The following MAN1A2 variants were observed in gnomAD, a reference collection of about 807,000 sequenced individuals.
MAN1A2 encodes the protein mannosyl-oligosaccharide 1,2-alpha-mannosidase IB.
Under a neutral mutation model 75.7 loss-of-function variants are expected in MAN1A2, and 26 were observed. That is an observed-to-expected ratio of 0.34 (90% CI 0.25 to 0.48). MAN1A2 has a LOEUF of 0.48. Ranked by LOEUF, MAN1A2 falls within the 20% of genes least tolerant of loss-of-function variation. MAN1A2 has a pLI of 0.99. For missense variants in MAN1A2, 562 were observed against 775.5 expected, an observed-to-expected ratio of 0.72 and a Z score of 3.27; for synonymous variants, 247 against 264.6, an observed-to-expected ratio of 0.93 and a Z score of 0.65.
At chr1:117,502,435 T>G (rs1267645255) in intron 11 of MAN1A2, among the ~76,000 whole-genome samples, 1 of 151,734 alleles carries the variant, frequency 6.6e-6, no homozygotes, top group Non-Finnish European at 1.5e-5. Flanking sequence ...TAAGTAATAT[T>G]TTTTAGCATG....
At chr1:117,451,995 A>G (rs968179871) in intron 6 of MAN1A2, among the ~76,000 whole-genome samples, 3 of 151,934 alleles carry the variant, frequency 2.0e-5, no homozygotes, top group African/African-American at 7.3e-5. Context: ...CTCAAAAAAC[A>G]AAACAAAACA....
chr1:117,381,497 C>T (rs1402187012), intron 1 of MAN1A2, among the ~76,000 whole-genome samples: 3 of 151,974 alleles, frequency 2.0e-5, no homozygotes, highest in Non-Finnish European at 4.4e-5. Context: ...CATCCATGTC[C>T]CTACAAAGGA....
chr1:117,443,205 A>T (rs1176146436), intron 6 of MAN1A2, among the ~76,000 whole-genome samples: 1 of 152,162 alleles, frequency 6.6e-6, no homozygotes, highest in African/African-American at 2.4e-5. Context: ...TTTAGAAACG[A>T]CTCGACTTTA....
chr1:117,459,499 T>TA (rs1285503454), intron 6 of MAN1A2, among the ~76,000 whole-genome samples: 1 of 152,098 alleles, frequency 6.6e-6, no homozygotes, highest in African/African-American at 2.4e-5. Flanking sequence ...GAAGTTGGGG[T>TA]AAAAACGGAA....
At position 117,445,870 on chromosome 1, in the gene MAN1A2, G is replaced by GTATATATATATA. The variant is rs1342445541; in HGVS notation, c.950+3546_950+3547insATATATATATAT. On this transcript the variant is annotated intron_variant, in intron 6 of 12. Coordinates refer to ENST00000356554, the MANE Select transcript of MAN1A2 (RefSeq NM_006699.5). ...TGTGTGTGTGTGTGTATGTGTGTGT[G>GTATATATATATA]TGTCTGTGTGTGTGTATATATATAT... Among the ~76,000 whole-genome samples, 69 of 114,670 alleles carry GTATATATATATA rather than the reference G, an allele frequency of 6.0e-4. 1 individual carries two copies. Among genetic ancestry groups the GTATATATATATA allele is most frequent in the Admixed American group, 5.1e-3 (60 of 11,688 alleles). The allele number at this position is 114,670 out of a possible 152,430, so 75.2% of individuals were successfully genotyped here. A position where few individuals can be genotyped will look rare whatever the true frequency, so the allele number is the denominator to read the frequency against.
Position 117,368,247 on chromosome 1 carries a change from C to T in MAN1A2, c.64C>T (p.Pro22Ser), listed in dbSNP as rs1652835391. The change falls in exon 1 of 13, where the codon CCT becomes TCT. Residue 22 changes from proline (P) to serine (S), a missense_variant. Physicochemically the swap from Pro to Ser is moderately conservative, Grantham distance 74. This residue lies in a region of MAN1A2 where 128 missense variants were observed against 129.8 expected (regional missense o/e 0.99). Transcript: ENST00000356554. ...RRIPPLNLGPPSFPHHRATLR... is the reference protein window; with the variant it reads ...RRIPPLNLGPSSFPHHRATLR... ...GATACCACCTCTGAACCTGGGGCCG[C>T]CTTCCTTCCCACATCACAGGGCTAC... is the stretch of plus-strand genomic sequence containing the variant. The T allele has an allele frequency of 3.7e-6, 6 of 1,614,028 alleles. No homozygotes were observed. Among genetic ancestry groups the T allele is most frequent in the African/African-American group, 1.3e-5 (1 of 74,920 alleles).
Position 117,472,650 on chromosome 1 carries a change from G to A in MAN1A2, c.1168+6223G>A, listed in dbSNP as rs184886950. Among the ~76,000 whole-genome samples, 11 of 151,926 alleles carry A rather than the reference G, an allele frequency of 7.2e-5. No homozygotes were observed. In the East Asian group the frequency reaches 1.2e-3, roughly 16 times the overall value. Reference sequence around the variant, plus strand: ...TTTGCTTTTCTCATAGCCTTACTTAGCTTCATGCTTCACTCAGTCTTTTTA... The same window carrying A: ...TTTGCTTTTCTCATAGCCTTACTTAACTTCATGCTTCACTCAGTCTTTTTA... On this transcript the variant is annotated intron_variant, in intron 8 of 12. Transcript: ENST00000356554.
Position 117,527,851 on chromosome 1 carries a change from T to A in MAN1A2, c.*4894T>A, listed in dbSNP as rs1318016740. On this transcript the variant is annotated 3_prime_UTR_variant, in exon 13 of 13. Transcript: ENST00000356554. ...GATCTTTGTGCTGCAGAAAGCAAAC[T>A]TTTGAAGAATTCTAAGCAACAGAAA... The A allele has an allele frequency of 6.6e-6, 1 of 151,998 alleles. No individual in the cohort carries two copies. 9.4% of individuals were successfully genotyped at this position (151,998 alleles called of 1,614,324 possible).
intron 1 of MAN1A2, among the ~76,000 whole-genome samples, chr1:117,401,504 C>T (rs1455135212): frequency 6.6e-6 from 1 of 152,140 alleles, no homozygotes; most frequent in Non-Finnish European, 1.5e-5. Context: ...ATTGAACTCT[C>T]TTTCACAAAA....
chr1:117,387,270 T>A (rs1653565761), intron 1 of MAN1A2, among the ~76,000 whole-genome samples: 2 of 146,032 alleles, frequency 1.4e-5, no homozygotes, highest in African/African-American at 2.5e-5. Flanking sequence ...TATGGAAAAA[T>A]TGGAAACCTT....
chr1:117,418,118 A>G (rs1048279463), intron 4 of MAN1A2, among the ~76,000 whole-genome samples: 6 of 152,166 alleles, frequency 3.9e-5, no homozygotes, highest in Non-Finnish European at 7.4e-5. Flanking sequence ...ATTGTTGTCT[A>G]GTTGATCCCA....
At chr1:117,414,644 T>C in intron 3 of MAN1A2, 69 bp from the exon 4 acceptor site, 2 of 756,788 alleles carry the variant, frequency 2.6e-6, no homozygotes, top group South Asian at 1.6e-5. Flanking sequence ...GAATCTTTTT[T>C]TTCCCCCCAA....
intron 11 of MAN1A2, among the ~76,000 whole-genome samples, chr1:117,502,244 A>G (rs1651225168): frequency 6.6e-6 from 1 of 151,776 alleles, no homozygotes; most frequent in African/African-American, 2.4e-5. Flanking sequence ...TTCAGCACAT[A>G]GTAAATACCT....
intron 1 of MAN1A2, among the ~76,000 whole-genome samples, chr1:117,398,586 C>G (rs1647294227): frequency 6.6e-6 from 1 of 151,370 alleles, no homozygotes; most frequent in Non-Finnish European, 1.5e-5. Flanking sequence ...AAGCAGGAGA[C>G]TCTGTTGAAT....
At chr1:117,458,523 A>ATTTTTTTTTTTTTTTTTTTT (rs5777311) in intron 6 of MAN1A2, among the ~76,000 whole-genome samples, 3 of 105,608 alleles carry the variant, frequency 2.8e-5, no homozygotes, top group Non-Finnish European at 6.0e-5. Flanking sequence ...ATATATATAT[A>ATTTTTTTTTTTTTTTTTTTT]TTTTTTTTTT....
chr1:117,397,961 T>C (rs1647256429), intron 1 of MAN1A2, among the ~76,000 whole-genome samples: 1 of 152,094 alleles, frequency 6.6e-6, no homozygotes, highest in South Asian at 2.1e-4. Context: ...CTTACAACTC[T>C]TTTGACTGTT....
intron 1 of MAN1A2, among the ~76,000 whole-genome samples, chr1:117,378,951 A>T (rs1414467923): frequency 6.6e-6 from 1 of 152,128 alleles, no homozygotes; most frequent in Non-Finnish European, 1.5e-5. Context: ...TATGCATTAC[A>T]CATTTCCTCC....
In MAN1A2 at chr1:117,368,430, G is replaced by A; in HGVS notation, c.247G>A (p.Gly83Arg). Residue 83 changes from glycine to arginine, a missense_variant, in exon 1 of 13, where the codon GGG becomes AGG. Physicochemically the swap from Gly to Arg is moderately radical, Grantham distance 125 (BLOSUM62 -2). Coordinates refer to ENST00000356554, the MANE Select transcript of MAN1A2 (RefSeq NM_006699.5). ...VLIPHVDAGK[G>R]AKNPGVFLIH... ...AATTCCACATGTAGATGCCGGTAAA[G>A]GGGCTAAAAACCCCGGAGTCTTCCT... The A allele has an allele frequency of 6.2e-7, 1 of 1,613,964 alleles. No individual in the cohort carries two copies. The highest frequency in any genetic ancestry group is 8.5e-7 in the Non-Finnish European group (1 of 1,179,986).
At chr1:117,378,720 T>C (rs1653237236) in intron 1 of MAN1A2, among the ~76,000 whole-genome samples, 1 of 152,196 alleles carries the variant, frequency 6.6e-6, no homozygotes, top group South Asian at 2.1e-4. Flanking sequence ...AACCATGATA[T>C]TGTTAGAGTT....
Sources: allele counts gnomAD v4.1 joint callset (sites outside exome capture counted in the v4.1 genomes callset), GRCh38; gene constraint gnomAD v4.1.1; regional missense constraint gnomAD v4.1.1; transcripts MANE v1.5; gene names NCBI Gene and HGNC (gene_info 2026-07-23, HGNC 2026-07-21).